NOL4: variants seen among roughly 807,000 people sequenced by gnomAD.
NOL4 encodes nucleolar protein 4.
In NOL4, 17 loss-of-function variants were observed where a neutral mutation model predicts 75.9. The observed-to-expected ratio is 0.22, with a 90% CI of 0.15 to 0.34. The LOEUF is 0.34. Among genes scored for constraint, NOL4 ranks in the 10% least tolerant of loss-of-function variants. The pLI is 1.00. For synonymous variants in NOL4, 292 were observed against 289.9 expected, an observed-to-expected ratio of 1.01 and a Z score of -0.07; for missense variants, 614 against 793.5, an observed-to-expected ratio of 0.77 and a Z score of 2.72.
chr18:34,195,398 ATAATC>A (rs2035254327), intron 1 of NOL4, among the ~76,000 whole-genome samples: 1 of 152,224 alleles, frequency 6.6e-6, no homozygotes, highest in African/African-American at 2.4e-5. Flanking sequence ...ATTAATAAAA[ATAATC>A]TAAGGATGAC....
At chr18:34,157,062 T>A (rs1325025742) in intron 1 of NOL4, 1 of 152,212 alleles carries the variant, frequency 6.6e-6, no homozygotes, top group Non-Finnish European at 1.5e-5. Flanking sequence ...GCAACTTACA[T>A]GTTTGGCTTC....
chr18:33,890,039 C>A (rs539409622), intron 9 of NOL4, among the ~76,000 whole-genome samples: 80 of 152,182 alleles, frequency 5.3e-4, no homozygotes, highest in African/African-American at 1.7e-3. Context: ...CTGGCTAGGG[C>A]AGTCAGGCAA....
chr18:34,107,184 C>T (rs1013021204), intron 2 of NOL4, among the ~76,000 whole-genome samples: 1 of 152,086 alleles, frequency 6.6e-6, no homozygotes, highest in African/African-American at 2.4e-5. Flanking sequence ...TGAATCAATC[C>T]TATGACTTGT....
chr18:34,064,941 ACACACAC>A (rs1568296120), intron 5 of NOL4, among the ~76,000 whole-genome samples: 3 of 58,726 alleles, frequency 5.1e-5, no homozygotes, highest in Non-Finnish European at 8.9e-5. Context: ...ACACACACAC[ACACACAC>A]ACACATCATA....
intron 5 of NOL4, among the ~76,000 whole-genome samples, chr18:34,037,312 A>T (rs949423190): frequency 7.9e-5 from 12 of 152,180 alleles, no homozygotes; most frequent in Admixed American, 1.3e-4. Context: ...CATGAAAAGG[A>T]AGAATTAATG....
At chr18:33,859,308 G>A (rs1484592540) in intron 10 of NOL4, among the ~76,000 whole-genome samples, 3 of 152,056 alleles carry the variant, frequency 2.0e-5, no homozygotes, top group African/African-American at 7.2e-5. Flanking sequence ...AATGCGATCT[G>A]TATGTTAATG....
At chr18:33,955,368 T>C (rs1180035805) in intron 8 of NOL4, among the ~76,000 whole-genome samples, 1 of 152,068 alleles carries the variant, frequency 6.6e-6, no homozygotes, top group Non-Finnish European at 1.5e-5. Context: ...GTTTGACAAA[T>C]AGAAGCAAAT....
At chr18:34,035,080 A>G (rs2075825223) in intron 5 of NOL4, among the ~76,000 whole-genome samples, 1 of 152,174 alleles carries the variant, frequency 6.6e-6, no homozygotes, top group African/African-American at 2.4e-5. Flanking sequence ...TCTACAAGGA[A>G]ACATTAAACT....
intron 5 of NOL4, among the ~76,000 whole-genome samples, chr18:34,053,627 A>C (rs927319085): frequency 1.3e-5 from 2 of 151,944 alleles, no homozygotes; most frequent in African/African-American, 2.4e-5. Context: ...TTTCATACAT[A>C]ATGTCCAGAC....
At chr18:33,871,392 C>G (rs77380120) in intron 10 of NOL4, among the ~76,000 whole-genome samples, 3,459 of 151,978 alleles carry the variant, frequency 0.023, 136 homozygotes, top group African/African-American at 0.079. Context: ...GGCTCAATGT[C>G]CATATAAAGA....
chr18:34,123,200 G>A (rs528751990), intron 2 of NOL4, among the ~76,000 whole-genome samples: 82 of 150,764 alleles, frequency 5.4e-4, no homozygotes, highest in Admixed American at 1.3e-3. Context: ...TGGCCACTGC[G>A]GTGAGCAACT....
chr18:34,205,437 C>T (rs1421099660), intron 1 of NOL4, among the ~76,000 whole-genome samples: 1 of 152,012 alleles, frequency 6.6e-6, no homozygotes, highest in Non-Finnish European at 1.5e-5. Flanking sequence ...AATGTATCAG[C>T]GGGTGGCATG....
chr18:34,072,469 TAAAGAG>T, intron 5 of NOL4, among the ~76,000 whole-genome samples: 1 of 152,106 alleles, frequency 6.6e-6, no homozygotes. Context: ...TGGAGAGAAT[TAAAGAG>T]AAGTAGATAA....
intron 6 of NOL4, among the ~76,000 whole-genome samples, chr18:34,018,357 A>G (rs967396469): frequency 6.6e-6 from 1 of 152,182 alleles, no homozygotes; most frequent in African/African-American, 2.4e-5. Flanking sequence ...GCTAATGTCC[A>G]GTGACTTGCT....
At chr18:34,092,601 G>A (rs566027174) in intron 5 of NOL4, among the ~76,000 whole-genome samples, 2 of 152,216 alleles carry the variant, frequency 1.3e-5, no homozygotes, top group South Asian at 2.1e-4. Flanking sequence ...GATTTTTTCA[G>A]TATCTATAAA....
intron 9 of NOL4, among the ~76,000 whole-genome samples, chr18:33,937,194 T>G (rs1471353395): frequency 6.6e-6 from 1 of 152,142 alleles, no homozygotes; most frequent in Non-Finnish European, 1.5e-5. Context: ...TGATTCCTGA[T>G]GAAGGAGCAG....
At chr18:33,890,955 G>A (rs1226989777) in intron 9 of NOL4, among the ~76,000 whole-genome samples, 3 of 151,796 alleles carry the variant, frequency 2.0e-5, no homozygotes, top group African/African-American at 7.2e-5. Context: ...CAAAAATTAC[G>A]ACACCTCACA....
chr18:34,059,138 T>C (rs981945905), intron 5 of NOL4, among the ~76,000 whole-genome samples: 1 of 104,016 alleles, frequency 9.6e-6, no homozygotes, highest in Non-Finnish European at 2.0e-5. Flanking sequence ...TATATATATA[T>C]ATATATATAT....
At chr18:34,070,960 T>A (rs1234300312) in intron 5 of NOL4, among the ~76,000 whole-genome samples, 1 of 152,144 alleles carries the variant, frequency 6.6e-6, no homozygotes, top group East Asian at 1.9e-4. Context: ...TTAAAATTCT[T>A]ACATTAAAAT....
Sources: allele counts gnomAD v4.1 joint callset (sites outside exome capture counted in the v4.1 genomes callset), GRCh38; gene constraint gnomAD v4.1.1; transcripts MANE v1.5; gene names NCBI Gene and HGNC (gene_info 2026-07-23, HGNC 2026-07-21).